SIPA1L2: variants seen among roughly 807,000 people sequenced by gnomAD.
The protein encoded by SIPA1L2 is signal-induced proliferation-associated 1-like protein 2.
Under a neutral mutation model 163.9 loss-of-function variants are expected in SIPA1L2, and 56 were observed. The ratio of observed to expected loss-of-function variants is 0.34; its 90% confidence interval spans 0.28 to 0.43. The LOEUF (loss-of-function observed/expected upper bound fraction) is 0.43. Ranked by LOEUF, SIPA1L2 falls within the 20% of genes least tolerant of loss-of-function variation. The pLI is 1.00. For missense variants in SIPA1L2, 1,974 were observed against 2,193.5 expected (o/e 0.90, Z 2.00); for synonymous variants, 877 against 865.7 (o/e 1.01, Z -0.23).
intron 2 of SIPA1L2, among the ~76,000 whole-genome samples, chr1:232,524,173 G>C (rs1438349373): frequency 1.3e-5 from 2 of 152,228 alleles, no homozygotes; most frequent in African/African-American, 2.4e-5. Flanking sequence ...CCAGGGCACT[G>C]TACTGGATGC....
At chr1:232,523,760 T>C (rs981660710) in intron 2 of SIPA1L2, among the ~76,000 whole-genome samples, 1 of 152,206 alleles carries the variant, frequency 6.6e-6, no homozygotes, top group Non-Finnish European at 1.5e-5. Flanking sequence ...GTATCTGTAT[T>C]ATGGTGTTCA....
chr1:232,490,815 A>C, intron 5 of SIPA1L2, 59 bp downstream of exon 5: 2 of 1,521,084 alleles, frequency 1.3e-6, no homozygotes, highest in African/African-American at 2.8e-5. Flanking sequence ...GAAAACTCCA[A>C]AACTTTCAGA....
At chr1:232,444,756 C>T (rs1415263188) in intron 11 of SIPA1L2, among the ~76,000 whole-genome samples, 1 of 152,140 alleles carries the variant, frequency 6.6e-6, no homozygotes, top group East Asian at 1.9e-4. Flanking sequence ...GAGTACCAGG[C>T]CTATGGTTAC....
intron 1 of SIPA1L2, among the ~76,000 whole-genome samples, chr1:232,600,989 C>T (rs978380451): frequency 1.1e-4 from 17 of 152,228 alleles, no homozygotes; most frequent in African/African-American, 4.1e-4. Flanking sequence ...ATGACAGTCC[C>T]TGTTTCCTGT....
intron 1 of SIPA1L2, among the ~76,000 whole-genome samples, chr1:232,593,145 C>A (rs1429426978): frequency 6.6e-6 from 1 of 152,158 alleles, no homozygotes; most frequent in African/African-American, 2.4e-5. Flanking sequence ...CACGTATTTA[C>A]AACAAACACA....
In SIPA1L2 at chr1:232,428,468, T is replaced by A; in HGVS notation, c.4353A>T (p.Glu1451Asp). Residue 1451 changes from glutamate (E) to aspartate (D), a missense_variant, in exon 17 of 23, where the codon GAA becomes GAT. Around this residue, in one of 3 missense-constraint regions of SIPA1L2, gnomAD observed 1,079 missense variants for 1,150.7 expected, o/e 0.94. Coordinates refer to ENST00000674635, the MANE Select transcript of SIPA1L2 (RefSeq NM_020808.5). ...VAETQHVLSK[E>D]DFLKLMLPDS... is the part of the protein sequence containing the mutation. ...CAGGAAGCATCAATTTCAGAAAATC[T>A]TCTTTAGACAGAACATGTTGAGTCT... 1.3e-6 allele frequency: 2 copies of A among 1,593,736 alleles called. No homozygotes were observed. The highest frequency in any genetic ancestry group is 1.7e-6 in the Non-Finnish European group (2 of 1,170,892).
intron 1 of SIPA1L2, among the ~76,000 whole-genome samples, chr1:232,612,354 T>C (rs1558304654): frequency 6.6e-6 from 1 of 152,258 alleles, no homozygotes; most frequent in East Asian, 1.9e-4. Context: ...GACCCCAGAA[T>C]GGTAGATCCA....
intron 18 of SIPA1L2, among the ~76,000 whole-genome samples, chr1:232,420,665 C>G (rs928328815): frequency 2.6e-5 from 4 of 151,760 alleles, no homozygotes; most frequent in African/African-American, 9.7e-5. Context: ...GAAACCCCGT[C>G]TCTACTAAAA....
At chr1:232,527,671 C>G (rs562765802) in intron 2 of SIPA1L2, among the ~76,000 whole-genome samples, 1 of 150,328 alleles carries the variant, frequency 6.7e-6, no homozygotes, top group South Asian at 2.1e-4. Context: ...TGATATACAG[C>G]ATTTTCTAAA....
chr1:232,429,146 A>G (rs1228006525), intron 16 of SIPA1L2, among the ~76,000 whole-genome samples: 1 of 152,246 alleles, frequency 6.6e-6, no homozygotes, highest in Non-Finnish European at 1.5e-5. Context: ...AAGGAGTGTC[A>G]AGCTGAATTA....
intron 5 of SIPA1L2, among the ~76,000 whole-genome samples, chr1:232,489,313 G>A (rs1003106546): frequency 1.3e-5 from 2 of 152,004 alleles, no homozygotes; most frequent in African/African-American, 4.8e-5. Flanking sequence ...AACCCACCCC[G>A]ATGTATCCTC....
chr1:232,515,004 A>G lies in SIPA1L2; in HGVS notation c.336T>C (p.Ser112=), dbSNP rs3795366. The G allele has an allele frequency of 0.91, 1,472,510 of 1,614,072 alleles. 677,916 individuals are homozygous for G. Among genetic ancestry groups the G allele is most frequent in the African/African-American group, 0.99 (74,070 of 75,034 alleles). ...RSQTSYESIT[S]VLQNGQSDQS... ...GGTCACTCTGCCCATTCTGCAGGAC[A>G]GAAGTGATGCTTTCATAACTGGTCT... The change falls in exon 3 of 23, where the codon TCT becomes TCC. Residue 112 remains serine, a synonymous_variant. Transcript: ENST00000674635.
At chr1:232,490,703 G>T in intron 5 of SIPA1L2, 171 bp downstream of exon 5, 1 of 682,506 alleles carries the variant, frequency 1.5e-6, no homozygotes, top group Non-Finnish European at 2.4e-6. Flanking sequence ...TACTATAATG[G>T]CATCATGTTT....
intron 2 of SIPA1L2, among the ~76,000 whole-genome samples, chr1:232,528,777 T>C (rs560887532): frequency 2.0e-5 from 3 of 152,346 alleles, no homozygotes; most frequent in East Asian, 1.9e-4. Flanking sequence ...CAGAGCAGAC[T>C]GGACATGATC....
chr1:232,420,226 G>C (rs1271610194), intron 18 of SIPA1L2, among the ~76,000 whole-genome samples: 2 of 152,116 alleles, frequency 1.3e-5, no homozygotes, highest in African/African-American at 4.8e-5. Context: ...GGGAGGCTGA[G>C]GCAGGAGAAT....
intron 19 of SIPA1L2, among the ~76,000 whole-genome samples, chr1:232,407,633 ACGTC>A (rs1372745593): frequency 6.6e-6 from 1 of 152,196 alleles, no homozygotes; most frequent in Non-Finnish European, 1.5e-5. Flanking sequence ...GAGCACACAC[ACGTC>A]CATGCTCCCA....
At chr1:232,538,823 T>C (rs919690328) in intron 2 of SIPA1L2, among the ~76,000 whole-genome samples, 3 of 152,186 alleles carry the variant, frequency 2.0e-5, no homozygotes, top group South Asian at 4.1e-4. Flanking sequence ...AATGTGACAG[T>C]GGGTGGGTGA....
chr1:232,596,315 C>T lies in SIPA1L2; in HGVS notation c.-318-22093G>A, dbSNP rs75848374. On this transcript the variant is annotated intron_variant, in intron 1 of 22. Coordinates refer to ENST00000674635, the MANE Select transcript of SIPA1L2 (RefSeq NM_020808.5). ...ATACAGAACATCACACTAGAAAAGC[C>T]TCCCCAACACTCACATGCTATAAGA... Among the ~76,000 whole-genome samples, 4 of 152,266 alleles carry T rather than the reference C, an allele frequency of 2.6e-5. No individual in the cohort carries two copies. In the East Asian group the frequency reaches 7.7e-4, roughly 29 times the overall value.
At chr1:232,606,977 G>A (rs1661956188) in intron 1 of SIPA1L2, among the ~76,000 whole-genome samples, 3 of 152,024 alleles carry the variant, frequency 2.0e-5, no homozygotes, top group Admixed American at 1.3e-4. Flanking sequence ...TACTTGCCTT[G>A]AAAACTTCTG....
Sources: allele counts gnomAD v4.1 joint callset (sites outside exome capture counted in the v4.1 genomes callset), GRCh38; gene constraint gnomAD v4.1.1; regional missense constraint gnomAD v4.1.1; transcripts MANE v1.5; gene names NCBI Gene and HGNC (gene_info 2026-07-23, HGNC 2026-07-21).